Variants in TOX observed in about 807,000 individuals in gnomAD.
TOX encodes thymocyte selection-associated high mobility group box protein TOX.
In TOX, 11 loss-of-function variants were observed where a neutral mutation model predicts 53.7. The ratio of observed to expected loss-of-function variants is 0.20; its 90% CI spans 0.13 to 0.34. The LOEUF is 0.34. Ranked by LOEUF, TOX falls within the 10% of genes least tolerant of loss-of-function variation. The probability of loss-of-function intolerance (pLI) is 1.00; values close to 1 mark genes in which losing one functional copy is unlikely to be tolerated. For missense variants in TOX, 570 were observed against 664.6 expected (o/e 0.86, Z 1.56); for synonymous variants, 225 against 245.3 (o/e 0.92, Z 0.77).
chr8:59,079,855 C>A (rs1425752516), intron 1 of TOX, among the ~76,000 whole-genome samples: 1 of 152,240 alleles, frequency 6.6e-6, no homozygotes, highest in South Asian at 2.1e-4. Flanking sequence ...ACTCAACAAC[C>A]TGTGAGAGCA....
intron 5 of TOX, among the ~76,000 whole-genome samples, chr8:58,831,680 C>T (rs1422792991): frequency 1.3e-5 from 2 of 152,156 alleles, no homozygotes; most frequent in African/African-American, 4.8e-5. Flanking sequence ...CATACAACTG[C>T]AAGGCCTGGT....
At chr8:59,015,739 A>C (rs1382937832) in intron 1 of TOX, among the ~76,000 whole-genome samples, 5 of 152,224 alleles carry the variant, frequency 3.3e-5, no homozygotes, top group Non-Finnish European at 1.5e-5. Context: ...GATGATTGCA[A>C]AAATGTGAAA....
In TOX at chr8:59,106,291, T is replaced by A. The variant is rs186459699; in HGVS notation, c.102+12595A>T. ...CCACTGGCTTACATTTTTTCTTTCT[T>A]TTCTAAGTACTCTTTAGGGGGGAAA... On this transcript the variant is annotated intron_variant, in intron 1 of 8. Coordinates refer to ENST00000361421, the MANE Select transcript of TOX (RefSeq NM_014729.3). 2.0e-5 allele frequency among the ~76,000 whole-genome samples: 3 copies of A among 151,476 alleles called. No individual in the cohort carries two copies. The Admixed American group carries it at 2.0e-4, about 10-fold the overall frequency.
At chr8:58,903,119 G>T (rs1001808255) in intron 3 of TOX, among the ~76,000 whole-genome samples, 2 of 152,168 alleles carry the variant, frequency 1.3e-5, no homozygotes, top group African/African-American at 4.8e-5. Flanking sequence ...GGATTCATTT[G>T]GTCTATTTCA....
chr8:59,011,518 G>A (rs1234301696), intron 1 of TOX, among the ~76,000 whole-genome samples: 2 of 152,130 alleles, frequency 1.3e-5, no homozygotes, highest in African/African-American at 4.8e-5. Flanking sequence ...CTCAGCAAAT[G>A]CTTTTTCAAG....
At chr8:58,860,109 A>AT (rs1354274615) in intron 3 of TOX, among the ~76,000 whole-genome samples, 2 of 151,986 alleles carry the variant, frequency 1.3e-5, no homozygotes, top group East Asian at 1.9e-4. Context: ...ATTTTATTCG[A>AT]TTTTTTTCCT....
Position 58,907,807 on chromosome 8 carries a change from C to T in TOX, c.411+31495G>A, listed in dbSNP as rs376365210. Among the ~76,000 whole-genome samples, 16 of 152,234 alleles carry T rather than the reference C, an allele frequency of 1.1e-4. No homozygotes were observed. In the East Asian group the frequency reaches 1.4e-3, roughly 13 times the overall value. On this transcript the variant is annotated intron_variant, in intron 3 of 8. Coordinates refer to ENST00000361421, the MANE Select transcript of TOX (RefSeq NM_014729.3). ...TAGAATAAAACTAGTGGCAATTCCT[C>T]GAGGGCACAAACTAGATGCTCAGTT...
chr8:59,002,162 C>T (rs549120389), intron 1 of TOX, among the ~76,000 whole-genome samples: 4 of 150,406 alleles, frequency 2.7e-5, no homozygotes, highest in South Asian at 2.2e-4. Context: ...TTAGTAGAGA[C>T]GGGGTTTCAC....
At chr8:59,011,995 T>C (rs952425705) in intron 1 of TOX, among the ~76,000 whole-genome samples, 2 of 152,166 alleles carry the variant, frequency 1.3e-5, no homozygotes, top group African/African-American at 4.8e-5. Flanking sequence ...CAACATGGCC[T>C]GACCTGACCT....
intron 1 of TOX, among the ~76,000 whole-genome samples, chr8:59,065,048 C>G (rs1350556734): frequency 3.9e-5 from 6 of 152,130 alleles, no homozygotes; most frequent in African/African-American, 1.4e-4. Flanking sequence ...TAAGAATAAA[C>G]TTCCACAAGC....
At chr8:59,078,531 T>C (rs1258708795) in intron 1 of TOX, among the ~76,000 whole-genome samples, 2 of 152,234 alleles carry the variant, frequency 1.3e-5, no homozygotes, top group East Asian at 3.8e-4. Flanking sequence ...TCCACCATGA[T>C]TGTAAGCTTC....
chr8:59,034,251 G>A (rs142632879), intron 1 of TOX, among the ~76,000 whole-genome samples: 79 of 152,268 alleles, frequency 5.2e-4, no homozygotes, highest in Admixed American at 1.6e-3. Flanking sequence ...TAAGTTAACC[G>A]TTACCAGATA....
At chr8:58,977,747 C>T (rs532505228) in intron 1 of TOX, among the ~76,000 whole-genome samples, 7 of 152,130 alleles carry the variant, frequency 4.6e-5, no homozygotes, top group East Asian at 1.9e-4. Context: ...AATAGGAGAG[C>T]GGCCAGTCAG....
At chr8:58,973,710 T>G (rs755605188) in intron 1 of TOX, among the ~76,000 whole-genome samples, 10 of 152,230 alleles carry the variant, frequency 6.6e-5, no homozygotes, top group Admixed American at 1.3e-4. Flanking sequence ...GTTTTTTCAA[T>G]TGCTTGGCCA....
chr8:58,820,195 C>A (rs1810249847), intron 6 of TOX, among the ~76,000 whole-genome samples: 1 of 151,652 alleles, frequency 6.6e-6, no homozygotes, highest in South Asian at 2.1e-4. Context: ...TTTAATTGAA[C>A]TAAGCATTGT....
chr8:58,860,572 G>A lies in TOX; in HGVS notation c.412-8767C>T, dbSNP rs557496275. 3.3e-5 allele frequency among the ~76,000 whole-genome samples: 5 copies of A among 152,244 alleles called. No homozygotes were observed. The South Asian group carries it at 6.2e-4, about 19-fold the overall frequency. The stretch of plus-strand genomic sequence containing the variant: ...GCTGCTCACGCTGATGGTTCTCTTC[G>A]GTTATTATCCTTGAGTTGCTTTCCC... On this transcript the variant is annotated intron_variant, in intron 3 of 8. Transcript: ENST00000361421.
At chr8:58,914,317 A>C (rs1319023882) in intron 3 of TOX, among the ~76,000 whole-genome samples, 1 of 152,180 alleles carries the variant, frequency 6.6e-6, no homozygotes, top group Non-Finnish European at 1.5e-5. Flanking sequence ...TTTCAGCTCA[A>C]ATCTCTGATG....
rs1265445324 is a variant in TOX at position 58,955,244 on chromosome 8, T to C, written c.168+4699A>G. Among the ~76,000 whole-genome samples, 3 of 152,098 alleles carry C rather than the reference T, an allele frequency of 2.0e-5. No individual in the cohort carries two copies. In the East Asian group the frequency reaches 5.8e-4, roughly 29 times the overall value. On this transcript the variant is annotated intron_variant, in intron 2 of 8. Transcript: ENST00000361421. ...TCGGGAGAGAGAAAACTGCTCACAA[T>C]CTCAGAATCCTCTAAAATATGATCT... is the stretch of plus-strand genomic sequence containing the variant.
At chr8:59,036,314 A>T (rs1263653606) in intron 1 of TOX, among the ~76,000 whole-genome samples, 1 of 152,210 alleles carries the variant, frequency 6.6e-6, no homozygotes, top group East Asian at 1.9e-4. Flanking sequence ...TGGAAACTAT[A>T]TCGTTTGCCA....
Sources: gnomAD v4.1 joint callset for allele counts (sites outside exome capture counted in the v4.1 genomes callset) on GRCh38, gnomAD v4.1.1 for gene constraint, MANE v1.5 for transcripts, NCBI Gene and HGNC (gene_info 2026-07-23, HGNC 2026-07-21) for gene names.